LITAF: variants seen among roughly 807,000 people sequenced by gnomAD.
The protein encoded by LITAF is lipopolysaccharide-induced tumor necrosis factor-alpha factor.
In LITAF, 9 loss-of-function variants were observed where a neutral mutation model predicts 14.5. That is an observed-to-expected ratio of 0.62 (90% confidence interval 0.37 to 1.08). The LOEUF (loss-of-function observed/expected upper bound fraction) is 1.08, where lower values mean the gene tolerates loss of function less well. Ranked by LOEUF, LITAF falls within the 50% of genes least tolerant of loss-of-function variation. The probability of loss-of-function intolerance (pLI) is 0.01; values close to 1 mark genes in which losing one functional copy is unlikely to be tolerated. For missense variants in LITAF, 206 were observed against 213.4 expected, an observed-to-expected ratio of 0.97 and a Z score of 0.22; for synonymous variants, 98 against 88.2, an observed-to-expected ratio of 1.11 and a Z score of -0.62.
rs143058815 is a variant in LITAF at position 11,558,946 on chromosome 16, G to C, written c.-5-2211C>G. ...GCCACCAGTCACGTAAGGTTATTGG[G>C]CGTCTAAAATGTGGCTTGTGGCCGG... On this transcript the variant is annotated intron_variant, in intron 1 of 3. Transcript: ENST00000622633. This position sits in a 1 kb window ranked among gnomAD's most constrained non-coding sequence, Gnocchi z 4.1. Among the ~76,000 whole-genome samples the C allele has an allele frequency of 2.6e-5, 4 of 152,124 alleles. No homozygotes were observed. The East Asian group carries it at 5.8e-4, about 22-fold the overall frequency.
Position 11,549,846 on chromosome 16 carries a change from T to C in LITAF, c.378-101A>G. On this transcript the variant is annotated intron_variant, in intron 3 of 3. Coordinates refer to ENST00000622633, the MANE Select transcript of LITAF (RefSeq NM_001136472.2). The surrounding 1 kb of genome is among the most constrained non-coding windows in gnomAD (Gnocchi z 4.6). The stretch of plus-strand genomic sequence containing the variant: ...ATGTCCTTCTTTGTAAAAAGGGTCT[T>C]TGCCAGTATAATTAGGAATTTTGAG... 2 of 937,056 alleles carry C rather than the reference T, an allele frequency of 2.1e-6. No individual in the cohort carries two copies. The highest frequency in any genetic ancestry group is 1.4e-5 in the South Asian group (1 of 71,382). The allele number at this position is 937,056 out of a possible 1,614,324, so 58.0% of individuals were successfully genotyped here.
intron 1 of LITAF, among the ~76,000 whole-genome samples, chr16:11,565,370 A>C (rs1048739133): frequency 6.9e-6 from 1 of 144,218 alleles, no homozygotes; most frequent in Admixed American, 7.5e-5. Context: ...GGCATGGGCC[A>C]CCGCGCCTGG....
At chr16:11,604,349 T>C (rs1021087098) in intron 3 of LITAF, among the ~76,000 whole-genome samples, 2 of 152,194 alleles carry the variant, frequency 1.3e-5, no homozygotes, top group Non-Finnish European at 2.9e-5. Flanking sequence ...GTATTTCATA[T>C]ATCATTAGTT....
At chr16:11,614,303 T>C (rs1486551235) in intron 3 of LITAF, among the ~76,000 whole-genome samples, 12 of 147,884 alleles carry the variant, frequency 8.1e-5, no homozygotes, top group Admixed American at 4.7e-4. Context: ...CTTTTCTTTT[T>C]TTTTTTTTTT....
At chr16:11,595,642 T>G (rs148233637) in intron 1 of LITAF, among the ~76,000 whole-genome samples, 2,238 of 152,212 alleles carry the variant, frequency 0.015, 20 homozygotes, top group Middle Eastern at 0.037. Flanking sequence ...GGCAGGAGAA[T>G]GGCATGAACC....
intron 2 of LITAF, among the ~76,000 whole-genome samples, chr16:11,555,013 A>C (rs1214104510): frequency 1.3e-5 from 2 of 152,118 alleles, no homozygotes; most frequent in African/African-American, 4.8e-5. Context: ...GTATTAAATC[A>C]TACTTTAGCA....
intron 1 of LITAF, among the ~76,000 whole-genome samples, chr16:11,577,912 T>C (rs562048787): frequency 2.0e-5 from 3 of 151,450 alleles, no homozygotes; most frequent in African/African-American, 7.3e-5. Context: ...TTTGTAGAGA[T>C]GGGGTCTTGC....
intron 3 of LITAF, among the ~76,000 whole-genome samples, chr16:11,606,728 G>A (rs1267699905): frequency 1.3e-5 from 2 of 151,396 alleles, no homozygotes; most frequent in African/African-American, 2.4e-5. Context: ...TCTGCCTCCC[G>A]GGTTCAATCG....
At chr16:11,577,828 G>A (rs763350801) in intron 1 of LITAF, among the ~76,000 whole-genome samples, 15 of 152,046 alleles carry the variant, frequency 9.9e-5, no homozygotes, top group Non-Finnish European at 2.1e-4. Flanking sequence ...GGGCTCAAGC[G>A]ATCCTCCTCC....
intron 3 of LITAF, among the ~76,000 whole-genome samples, chr16:11,550,946 C>T (rs2064172960): frequency 6.6e-6 from 1 of 152,154 alleles, no homozygotes; most frequent in Non-Finnish European, 1.5e-5. Context: ...GCTCCAGGGT[C>T]GTTTTGCCAA....
At chr16:11,616,913 A>G (rs1340861271) in intron 3 of LITAF, among the ~76,000 whole-genome samples, 1 of 146,622 alleles carries the variant, frequency 6.8e-6, no homozygotes. Context: ...CTCTATCTCA[A>G]AAAAAAAAAA....
chr16:11,619,296 G>A (rs919193026), intron 3 of LITAF, among the ~76,000 whole-genome samples: 1 of 149,534 alleles, frequency 6.7e-6, no homozygotes, highest in Non-Finnish European at 1.5e-5. Context: ...GGGTGACAAA[G>A]CAAGACTTCG....
rs1027531162 is a variant in LITAF, at chr16:11,634,481, G to A, written c.-20-844C>T. Among the ~76,000 whole-genome samples the A allele has an allele frequency of 5.3e-5, 8 of 152,110 alleles. No homozygotes were observed. Among genetic ancestry groups the A allele is most frequent in the Non-Finnish European group, 1.0e-4 (7 of 68,026 alleles). On this transcript the variant is annotated intron_variant, in intron 2 of 3. Coordinates refer to the LITAF transcript ENST00000574848. The surrounding 1 kb of genome is among the most constrained non-coding windows in gnomAD (Gnocchi z 4.1). ...CATGATTACCAGCCATTATTCCAGA[G>A]GCCACAAGATTTGCAACTTCCCCTA...
At chr16:11,576,406 T>A (rs530164793) in intron 1 of LITAF, among the ~76,000 whole-genome samples, 1 of 151,618 alleles carries the variant, frequency 6.6e-6, no homozygotes, top group African/African-American at 2.4e-5. Context: ...GAGGTGGAGG[T>A]TGCAGTGAGC....
upstream of LITAF, among the ~76,000 whole-genome samples, chr16:11,599,879 A>C (rs2064916722): frequency 6.6e-6 from 1 of 151,416 alleles, no homozygotes; most frequent in East Asian, 1.9e-4. Context: ...CTTCCTTCAA[A>C]CCTGTGCTCA....
chr16:11,636,478 G>A (rs1171980078), upstream of LITAF: 1 of 152,290 alleles, frequency 6.6e-6, no homozygotes, highest in Non-Finnish European at 1.5e-5. Context: ...TGTGCTATTT[G>A]CATAGCACGT....
chr16:11,637,952 A>G (rs2065146028), upstream of LITAF, among the ~76,000 whole-genome samples: 1 of 63,908 alleles, frequency 1.6e-5, no homozygotes, highest in South Asian at 3.8e-4. Flanking sequence ...ATATCTATAT[A>G]TATCTATATA....
At chr16:11,601,735 T>C (rs1443726873), upstream of LITAF, among the ~76,000 whole-genome samples, 2 of 152,112 alleles carry the variant, frequency 1.3e-5, no homozygotes, top group South Asian at 4.1e-4. Flanking sequence ...AATTTTTGCA[T>C]TTTTTGTAGA....
intron 1 of LITAF, among the ~76,000 whole-genome samples, chr16:11,573,157 T>C (rs1417057402): frequency 2.6e-5 from 4 of 152,084 alleles, no homozygotes; most frequent in African/African-American, 9.7e-5. Context: ...CCCAAACTCC[T>C]GACCTCAAGC....
Sources: gnomAD v4.1 joint callset for allele counts (sites outside exome capture counted in the v4.1 genomes callset) on GRCh38, gnomAD v4.1.1 for gene constraint, Gnocchi (gnomAD v3.1) non-coding constraint, MANE v1.5 for transcripts, NCBI Gene and HGNC (gene_info 2026-07-23, HGNC 2026-07-21) for gene names.